Variants in IWS1 observed in about 807,000 individuals in gnomAD.
The protein encoded by IWS1 is interacts with SUPT6H, CTD assembly factor 1.
Under a neutral mutation model 86.7 loss-of-function variants are expected in IWS1, and 27 were observed. The observed-to-expected ratio is 0.31, with a 90% CI of 0.23 to 0.43. IWS1 has a LOEUF of 0.43. IWS1 is among the 20% of genes least tolerant of loss of function. The pLI, the probability that IWS1 is intolerant of heterozygous loss-of-function variation, is 1.00. For missense variants in IWS1, 827 were observed against 1,000.8 expected, an observed-to-expected ratio of 0.83 and a Z score of 2.34; for synonymous variants, 313 against 335.1, an observed-to-expected ratio of 0.93 and a Z score of 0.72.
intron 2 of IWS1, among the ~76,000 whole-genome samples, chr2:127,507,824 C>A (rs1429551194): frequency 6.6e-6 from 1 of 152,190 alleles, no homozygotes; most frequent in Non-Finnish European, 1.5e-5. Context: ...ACTTCTTGAG[C>A]ACTGACATGA....
intron 3 of IWS1, among the ~76,000 whole-genome samples, chr2:127,504,188 C>T (rs900386370): frequency 2.0e-5 from 3 of 152,200 alleles, no homozygotes; most frequent in African/African-American, 7.2e-5. Context: ...GACTGAAACA[C>T]TCTGGAGAGA....
chr2:127,503,495 T>G lies in IWS1; in HGVS notation c.1301A>C (p.Lys434Thr), dbSNP rs1690925387. Residue 434 changes from lysine (K) to threonine (T), a missense_variant, in exon 4 of 14, where the codon AAG becomes ACG. Coordinates refer to ENST00000295321, the MANE Select transcript of IWS1 (RefSeq NM_017969.3). ...TTCCTCACTGTCAGATGCTATGGTC[T>G]TCTCTCTTTTGCCTGACTTGTCTGA... The part of the protein sequence containing the change: ...AVSDKSGKRE[K>T]TIASDSEEEA... 2 of 1,613,592 alleles carry G rather than the reference T, an allele frequency of 1.2e-6. No homozygotes were observed. Among genetic ancestry groups the G allele is most frequent in the African/African-American group, 1.3e-5 (1 of 74,922 alleles).
In IWS1 at chr2:127,503,595, A is replaced by G. The variant is rs779675208; in HGVS notation, c.1220-19T>C. The G allele has an allele frequency of 5.2e-6, 8 of 1,548,580 alleles. No individual in the cohort carries two copies. Among genetic ancestry groups the G allele is most frequent in the Middle Eastern group, 1.7e-4 (1 of 5,862 alleles). ...TTTGCTGCTGTTGAAAAAGAAAATC[A>G]TCATTAATTTTATTTTATCACAGCC... On this transcript the variant is annotated intron_variant, in intron 3 of 13. Coordinates refer to ENST00000295321, the MANE Select transcript of IWS1 (RefSeq NM_017969.3).
intron 5 of IWS1, 136 bp from the exon 6 acceptor site, chr2:127,498,373 C>A: frequency 1.3e-6 from 1 of 743,250 alleles, no homozygotes. Context: ...AACAAAAGGT[C>A]CCTCTCCAGC....
intron 1 of IWS1, 135 bp from the exon 2 acceptor site, chr2:127,523,926 T>G (rs553304588): frequency 4.6e-5 from 29 of 633,032 alleles, no homozygotes; most frequent in Middle Eastern, 6.8e-4. Context: ...GTTGCTAATA[T>G]TTTGAATAAG....
chr2:127,492,174 C>A (rs763923216), intron 9 of IWS1, 86 bp from the exon 10 acceptor site: 5 of 761,916 alleles, frequency 6.6e-6, no homozygotes, highest in Admixed American at 2.3e-5. Flanking sequence ...GGCACATTCA[C>A]AACAGAACAA....
In IWS1 at chr2:127,505,714, T is replaced by C. The variant is rs746543270; in HGVS notation, c.189A>G (p.Gly63=). Residue 63 remains glycine (G), a synonymous_variant, in exon 3 of 14, where the codon GGA becomes GGG. Coordinates refer to ENST00000295321, the MANE Select transcript of IWS1 (RefSeq NM_017969.3). This position sits in a 1 kb window ranked among gnomAD's most constrained non-coding sequence, Gnocchi z 5.0. ...TSDREDGLPK[G]HHVTDSENDE... is the part of the protein sequence containing the mutation. ...CGTTCTCAGAGTCTGTCACATGATGTCCTTTGGGGAGGCCATCTTCTCGAT... is the reference window on the plus strand; with the variant it reads ...CGTTCTCAGAGTCTGTCACATGATGCCCTTTGGGGAGGCCATCTTCTCGAT... 5 of 1,577,776 alleles carry C rather than the reference T, an allele frequency of 3.2e-6. No individual in the cohort carries two copies. In the South Asian group the frequency reaches 5.9e-5, roughly 19 times the overall value.
Position 127,489,978 on chromosome 2 carries a change from A to G in IWS1, c.2048-35T>C, listed in dbSNP as rs1462401173. ...GAAAAAAATCAATTATTTTGTCCAT[A>G]AAATTGCATTTCCATTTTTTTCAAA... On this transcript the variant is annotated intron_variant, in intron 10 of 13. Coordinates refer to ENST00000295321, the MANE Select transcript of IWS1 (RefSeq NM_017969.3). This position sits in a 1 kb window ranked among gnomAD's most constrained non-coding sequence, Gnocchi z 4.8. 8.4e-7 allele frequency: 1 copy of G among 1,195,996 alleles called. No homozygotes were observed. Among genetic ancestry groups the G allele is most frequent in the Admixed American group, 1.7e-5 (1 of 58,288 alleles). The allele number at this position is 1,195,996 out of a possible 1,614,324, so 74.1% of individuals were successfully genotyped here. A position where few individuals can be genotyped will look rare whatever the true frequency, so the allele number is the denominator to read the frequency against.
At chr2:127,521,745 TTTTTAAGTCAAATTATAG>T (rs1290619681) in intron 2 of IWS1, among the ~76,000 whole-genome samples, 3 of 152,180 alleles carry the variant, frequency 2.0e-5, no homozygotes, top group Non-Finnish European at 4.4e-5. Flanking sequence ...AAGTTGAAAA[TTTTTAAGTCAAATTATAG>T]TTTAAGTCTG....
chr2:127,497,098 C>G (rs1287887187), intron 6 of IWS1, among the ~76,000 whole-genome samples: 1 of 119,222 alleles, frequency 8.4e-6, no homozygotes, highest in East Asian at 2.6e-4. Flanking sequence ...ACACATTTTT[C>G]AGAATATATC....
intron 8 of IWS1, among the ~76,000 whole-genome samples, chr2:127,493,792 C>T (rs1422718533): frequency 1.4e-5 from 2 of 142,570 alleles, no homozygotes; most frequent in Non-Finnish European, 3.0e-5. Flanking sequence ...CAGATTTGCT[C>T]TTCTCTGCAG....
In IWS1 at chr2:127,504,650, A is replaced by G. The variant is rs748972431; in HGVS notation, c.1219+34T>C. ...AGTTACAAGCTTAGACAATGAATAA[A>G]GCCATTGATAAACAGCCCAAGGTAA... is the stretch of plus-strand genomic sequence containing the variant. On this transcript the variant is annotated intron_variant, in intron 3 of 13. Coordinates refer to ENST00000295321, the MANE Select transcript of IWS1 (RefSeq NM_017969.3). 1.2e-5 allele frequency: 17 copies of G among 1,418,214 alleles called. No homozygotes were observed. In the Admixed American group the frequency reaches 1.4e-4, roughly 12 times the overall value. The allele number at this position is 1,418,214 out of a possible 1,614,324, so 87.9% of individuals were successfully genotyped here.
chr2:127,484,932 A>C (rs1451046210), intron 13 of IWS1, among the ~76,000 whole-genome samples: 1 of 151,950 alleles, frequency 6.6e-6, no homozygotes, highest in East Asian at 1.9e-4. Context: ...AGGAGGCGGA[A>C]CTTGCAGTGA....
intron 2 of IWS1, among the ~76,000 whole-genome samples, chr2:127,519,240 C>T (rs889351018): frequency 6.6e-6 from 1 of 152,158 alleles, no homozygotes; most frequent in African/African-American, 2.4e-5. Flanking sequence ...ATTTACAGCC[C>T]ATTACATACA....
chr2:127,486,511 T>C (rs752680240), intron 13 of IWS1, 42 bp downstream of exon 13: 23 of 1,313,834 alleles, frequency 1.8e-5, no homozygotes, highest in Non-Finnish European at 2.2e-5. Flanking sequence ...CAAACAGTAA[T>C]CTGCAGGTGA....
intron 2 of IWS1, chr2:127,514,738 G>C (rs886400350): frequency 6.6e-6 from 1 of 152,556 alleles, no homozygotes; most frequent in Admixed American, 6.5e-5. Flanking sequence ...CCCGCCCGCT[G>C]CAGCAGCTGA....
chr2:127,514,274 C>A (rs1393473094), intron 2 of IWS1: 1 of 154,500 alleles, frequency 6.5e-6, no homozygotes, highest in African/African-American at 2.4e-5. Context: ...ACCCTGCTCA[C>A]TCTCGGTTGT....
intron 13 of IWS1, among the ~76,000 whole-genome samples, chr2:127,485,520 C>G (rs1055525193): frequency 2.6e-5 from 4 of 152,168 alleles, no homozygotes; most frequent in South Asian, 4.1e-4. Flanking sequence ...AACAAGCTAC[C>G]TCCCACCAGG....
rs534868713 is a variant in IWS1, at chr2:127,489,079, A to G, written c.2216+100T>C. 7 of 822,694 alleles carry G rather than the reference A, an allele frequency of 8.5e-6. No individual in the cohort carries two copies. The South Asian group carries it at 1.1e-4, about 13-fold the overall frequency. 51.0% of individuals were successfully genotyped at this position (822,694 alleles called of 1,614,324 possible). A position where few individuals can be genotyped will look rare whatever the true frequency, so the allele number is the denominator to read the frequency against. On this transcript the variant is annotated intron_variant, in intron 12 of 13. Coordinates refer to ENST00000295321, the MANE Select transcript of IWS1 (RefSeq NM_017969.3). This position sits in a 1 kb window ranked among gnomAD's most constrained non-coding sequence, Gnocchi z 4.8. Reference sequence around the variant, plus strand: ...CGTTAAAATGAAAGTCACCTCCCACAAATGAGAGCATAACATCATTTCATT... The same window carrying G: ...CGTTAAAATGAAAGTCACCTCCCACGAATGAGAGCATAACATCATTTCATT...
Sources: allele counts gnomAD v4.1 joint callset (sites outside exome capture counted in the v4.1 genomes callset), GRCh38; gene constraint gnomAD v4.1.1; non-coding constraint Gnocchi (gnomAD v3.1); transcripts MANE v1.5; gene names NCBI Gene and HGNC (gene_info 2026-07-23, HGNC 2026-07-21).